Variants in NPY2R observed in about 807,000 individuals in gnomAD.
The protein encoded by NPY2R is neuropeptide Y receptor Y2, also known as neuropeptide Y receptor type 2.
Under a neutral mutation model 22.3 loss-of-function variants are expected in NPY2R, and 17 were observed. The observed-to-expected ratio is 0.76, with a 90% CI of 0.52 to 1.14. The LOEUF is 1.14. NPY2R is among the 50% of genes most tolerant of loss of function. The pLI is 0.00. For synonymous variants in NPY2R, 209 were observed against 183.4 expected (o/e 1.14, Z -1.13); for missense variants, 424 against 467.9 (o/e 0.91, Z 0.87).
Position 155,215,840 on chromosome 4 carries a change from G to A in NPY2R, c.*755G>A, listed in dbSNP as rs1232885243. 2 of 166,822 alleles carry A rather than the reference G, an allele frequency of 1.2e-5. No individual in the cohort carries two copies. 10.3% of individuals were successfully genotyped at this position (166,822 alleles called of 1,614,324 possible). A position where few individuals can be genotyped will look rare whatever the true frequency, so the allele number is the denominator to read the frequency against. The stretch of plus-strand genomic sequence containing the variant: ...TAATTTCTAATTTCAAGTTACATCC[G>A]CTTTATGGAGATACTATTTAGATAA... On this transcript the variant is annotated 3_prime_UTR_variant, in exon 2 of 2. Transcript: ENST00000329476.
intron 1 of NPY2R, among the ~76,000 whole-genome samples, chr4:155,210,391 A>C (rs1476860321): frequency 6.6e-6 from 1 of 152,240 alleles, no homozygotes; most frequent in Non-Finnish European, 1.5e-5. Context: ...AAAGCAAAGC[A>C]AATCAAAAAA....
chr4:155,201,744 G>A, the NPY2R span, among the ~76,000 whole-genome samples: 6 of 152,070 alleles, frequency 3.9e-5, no homozygotes, highest in Non-Finnish European at 7.4e-5. Flanking sequence ...GCCCCATAAA[G>A]TTTGATGCAA....
chr4:155,202,551 T>A, the NPY2R span, among the ~76,000 whole-genome samples: 1 of 152,142 alleles, frequency 6.6e-6, no homozygotes, highest in East Asian at 1.9e-4. Context: ...TTCCTTTGTA[T>A]AATAAAAGAG....
At chr4:155,184,110 C>A in the NPY2R span, among the ~76,000 whole-genome samples, 13,380 of 152,178 alleles carry the variant, frequency 0.088, 867 homozygotes, top group South Asian at 0.28. Context: ...CCATTTTATT[C>A]AAGGCTTAGC....
Position 155,215,319 on chromosome 4 carries a change from G to A in NPY2R, c.*234G>A. The A allele has an allele frequency of 1.7e-6, 1 of 605,800 alleles. No homozygotes were observed. The highest frequency in any genetic ancestry group is 2.9e-5 in the East Asian group (1 of 34,606). The allele number at this position is 605,800 out of a possible 1,614,324, so 37.5% of individuals were successfully genotyped here. A position where few individuals can be genotyped will look rare whatever the true frequency, so the allele number is the denominator to read the frequency against. ...TTAACAGTTGGTTGGGTAGTAGGTT[G>A]CATTATGAGTAAAAGCAGAGAGAAG... On this transcript the variant is annotated 3_prime_UTR_variant, in exon 2 of 2. Coordinates refer to ENST00000329476, the MANE Select transcript of NPY2R (RefSeq NM_000910.4).
intron 1 of NPY2R, among the ~76,000 whole-genome samples, chr4:155,209,697 C>T (rs1391420509): frequency 1.3e-5 from 2 of 152,092 alleles, no homozygotes; most frequent in East Asian, 3.9e-4. Flanking sequence ...CCTCCCCTGC[C>T]CCCATTCCTA....
chr4:155,180,674 T>G, the NPY2R span, among the ~76,000 whole-genome samples: 5,259 of 152,168 alleles, frequency 0.035, 176 homozygotes, highest in East Asian at 0.16. Context: ...AATATATATA[T>G]TTGATGACTA....
At chr4:155,189,506 T>C in the NPY2R span, among the ~76,000 whole-genome samples, 6 of 152,138 alleles carry the variant, frequency 3.9e-5, no homozygotes, top group African/African-American at 1.4e-4. Flanking sequence ...TGTGACATAA[T>C]TAATTTTTAA....
the NPY2R span, among the ~76,000 whole-genome samples, chr4:155,174,484 A>ATATATATATATATATATATATATTTTTTT: frequency 6.6e-5 from 7 of 106,062 alleles, no homozygotes; most frequent in Admixed American, 2.9e-4. Flanking sequence ...ATATATATAT[A>ATATATATATATATATATATATATTTTTTT]TTTTTTTTTT....
chr4:155,204,181 C>A (rs12649641), upstream of NPY2R, among the ~76,000 whole-genome samples: 71,740 of 151,246 alleles, frequency 0.47, 17,984 homozygotes, highest in African/African-American at 0.64. Context: ...CTCTCAGGGA[C>A]CGCTGATATT....
In NPY2R at chr4:155,208,946, A is replaced by G. The variant is rs1578897772; in HGVS notation, c.-172A>G. 6.6e-6 allele frequency: 1 copy of G among 152,120 alleles called. No homozygotes were observed. Among genetic ancestry groups the G allele is most frequent in the Non-Finnish European group, 1.5e-5 (1 of 68,016 alleles). The allele number at this position is 152,120 out of a possible 1,614,324, so 9.4% of individuals were successfully genotyped here. On this transcript the variant is annotated 5_prime_UTR_variant, in exon 1 of 2. Transcript: ENST00000329476. The surrounding 1 kb of genome is among the most constrained non-coding windows in gnomAD (Gnocchi z 5.6). The stretch of plus-strand genomic sequence containing the variant: ...GGGCTGTCCTGGACCCTAGGAGGGG[A>G]CGGAACCGGACTTGCCTTTGGGCAC...
chr4:155,192,178 ATT>A, the NPY2R span, among the ~76,000 whole-genome samples: 17,728 of 151,900 alleles, frequency 0.12, 1,339 homozygotes, highest in African/African-American at 0.21. Context: ...AAACAGGATT[ATT>A]ATAGTGTTCA....
At chr4:155,195,131 T>A in the NPY2R span, among the ~76,000 whole-genome samples, 3 of 152,012 alleles carry the variant, frequency 2.0e-5, no homozygotes, top group Non-Finnish European at 4.4e-5. Flanking sequence ...AAACTAAATG[T>A]ATTTTAACAT....
chr4:155,188,888 C>T, the NPY2R span, among the ~76,000 whole-genome samples: 1 of 152,096 alleles, frequency 6.6e-6, no homozygotes, highest in Non-Finnish European at 1.5e-5. Context: ...ATTCCAGAAA[C>T]TCTGAGATAA....
the NPY2R span, among the ~76,000 whole-genome samples, chr4:155,185,068 C>G: frequency 6.8e-6 from 1 of 147,108 alleles, no homozygotes; most frequent in Non-Finnish European, 1.5e-5. Context: ...GAGATGGAGT[C>G]TCGCTCTGTC....
At chr4:155,199,839 C>G in the NPY2R span, among the ~76,000 whole-genome samples, 6 of 152,178 alleles carry the variant, frequency 3.9e-5, no homozygotes, top group Non-Finnish European at 4.4e-5. Flanking sequence ...TTCCTTACAC[C>G]TTATACAAAA....
At chr4:155,179,314 G>A in the NPY2R span, among the ~76,000 whole-genome samples, 22 of 152,130 alleles carry the variant, frequency 1.4e-4, no homozygotes, top group South Asian at 1.2e-3. Flanking sequence ...ATTTTTGACC[G>A]GATGCCAGAT....
the NPY2R span, among the ~76,000 whole-genome samples, chr4:155,200,563 C>T: frequency 1.3e-5 from 2 of 152,142 alleles, no homozygotes; most frequent in East Asian, 3.9e-4. Flanking sequence ...TGTATGTTTA[C>T]TGCAGCACTA....
At chr4:155,188,862 G>T in the NPY2R span, among the ~76,000 whole-genome samples, 1 of 152,090 alleles carries the variant, frequency 6.6e-6, no homozygotes, top group Non-Finnish European at 1.5e-5. Flanking sequence ...AGAAGACGTG[G>T]ATAAACCATG....
Sources: gnomAD v4.1 joint callset for allele counts (sites outside exome capture counted in the v4.1 genomes callset) on GRCh38, gnomAD v4.1.1 for gene constraint, Gnocchi (gnomAD v3.1) non-coding constraint, MANE v1.5 for transcripts, NCBI Gene and HGNC (gene_info 2026-07-23, HGNC 2026-07-21) for gene names.